Variants in CSMD3 observed in about 807,000 individuals in gnomAD.
CSMD3 encodes CUB and sushi domain-containing protein 3.
In CSMD3, 177 loss-of-function variants were observed where a neutral mutation model predicts 435.2. That is an observed-to-expected ratio of 0.41 (90% CI 0.36 to 0.46). The LOEUF is 0.46. Ranked by LOEUF, CSMD3 falls within the 20% of genes least tolerant of loss-of-function variation. The pLI is 0.34. For missense variants in CSMD3, 4,265 were observed against 4,504.6 expected, an observed-to-expected ratio of 0.95 and a Z score of 1.52; for synonymous variants, 1,656 against 1,520.5, an observed-to-expected ratio of 1.09 and a Z score of -2.07.
chr8:112,353,344 C>T (rs1030345111), intron 38 of CSMD3, among the ~76,000 whole-genome samples: 1 of 152,002 alleles, frequency 6.6e-6, no homozygotes, highest in African/African-American at 2.4e-5. Flanking sequence ...GAGCTGAGAT[C>T]TTGCCATTGC....
intron 28 of CSMD3, among the ~76,000 whole-genome samples, chr8:112,514,225 TG>T (rs1299945854): frequency 6.6e-6 from 1 of 152,142 alleles, no homozygotes; most frequent in Admixed American, 6.6e-5. Context: ...TTCAATGCTG[TG>T]GTTGATTTTG....
intron 45 of CSMD3, among the ~76,000 whole-genome samples, chr8:112,329,764 T>A: frequency 6.6e-6 from 1 of 152,164 alleles, no homozygotes; most frequent in Non-Finnish European, 1.5e-5. Context: ...CAGTGAAGTG[T>A]CAAAAGATAG....
chr8:113,379,845 G>C (rs547686960), intron 1 of CSMD3, among the ~76,000 whole-genome samples: 84 of 152,210 alleles, frequency 5.5e-4, no homozygotes, highest in Non-Finnish European at 1.1e-3. Context: ...TCATTAAATA[G>C]AAACTATACA....
At chr8:112,906,658 CT>C (rs1467322287) in intron 10 of CSMD3, among the ~76,000 whole-genome samples, 1 of 151,434 alleles carries the variant, frequency 6.6e-6, no homozygotes, top group Non-Finnish European at 1.5e-5. Context: ...TCTCATAAAT[CT>C]TTTTTTCACC....
chr8:112,786,247 C>T (rs751253316), intron 13 of CSMD3, among the ~76,000 whole-genome samples: 3 of 151,984 alleles, frequency 2.0e-5, no homozygotes, highest in Non-Finnish European at 2.9e-5. Flanking sequence ...GGAAGCTAGA[C>T]CCTTATCTCT....
rs531723351 is a variant in CSMD3, at chr8:113,059,730, G to T, written c.917+39026C>A. 2.6e-5 allele frequency among the ~76,000 whole-genome samples: 4 copies of T among 152,198 alleles called. No homozygotes were observed. The South Asian group carries it at 8.3e-4, about 32-fold the overall frequency. ...CTTTAAAGATATCAGCTATTTCTAA[G>T]AAAGTTTGATCTATTGGGAACAAAG... On this transcript the variant is annotated intron_variant, in intron 5 of 70. Transcript: ENST00000297405.
At chr8:112,552,871 C>G (rs1827810273) in intron 25 of CSMD3, 151 bp from the exon 26 acceptor site, 1 of 656,796 alleles carries the variant, frequency 1.5e-6, no homozygotes, top group Non-Finnish European at 2.5e-6. Flanking sequence ...TCAATTGAAG[C>G]AAGAATATAT....
intron 32 of CSMD3, among the ~76,000 whole-genome samples, chr8:112,437,166 T>C (rs904011368): frequency 2.0e-5 from 3 of 152,022 alleles, no homozygotes; most frequent in Non-Finnish European, 4.4e-5. Context: ...AGGAATAGCT[T>C]TTGGAGTAAA....
chr8:113,326,455 C>G (rs117176354), intron 1 of CSMD3, among the ~76,000 whole-genome samples: 1,750 of 151,302 alleles, frequency 0.012, 19 homozygotes, highest in South Asian at 0.031. Context: ...ACAAATTAAA[C>G]AACAAGAAGC....
chr8:113,308,136 C>A (rs575087639), intron 2 of CSMD3, among the ~76,000 whole-genome samples: 2 of 150,728 alleles, frequency 1.3e-5, no homozygotes, highest in South Asian at 2.1e-4. Flanking sequence ...CAAAATTTTG[C>A]TATTATTTGC....
intron 59 of CSMD3, among the ~76,000 whole-genome samples, chr8:112,276,203 A>C (rs1818024803): frequency 6.6e-6 from 1 of 152,218 alleles, no homozygotes; most frequent in African/African-American, 2.4e-5. Context: ...CTGTGACTAC[A>C]TGTCTCACAT....
intron 13 of CSMD3, among the ~76,000 whole-genome samples, chr8:112,741,044 G>A (rs1302209611): frequency 1.3e-5 from 2 of 151,906 alleles, no homozygotes; most frequent in East Asian, 3.9e-4. Flanking sequence ...CCAGCAAGAG[G>A]TCAGAGGATA....
chr8:112,263,186 C>T (rs1449931871), intron 61 of CSMD3, among the ~76,000 whole-genome samples: 2 of 149,706 alleles, frequency 1.3e-5, no homozygotes, highest in African/African-American at 2.4e-5. Context: ...ACCCTTTTAT[C>T]TCTATGCTTA....
intron 1 of CSMD3, among the ~76,000 whole-genome samples, chr8:113,406,750 A>C: frequency 6.6e-6 from 1 of 152,076 alleles, no homozygotes; most frequent in East Asian, 1.9e-4. Flanking sequence ...CAACAAATTT[A>C]TTAATTATGA....
At chr8:112,929,115 G>A (rs1048435526) in intron 9 of CSMD3, among the ~76,000 whole-genome samples, 3 of 148,468 alleles carry the variant, frequency 2.0e-5, no homozygotes, top group Admixed American at 6.8e-5. Flanking sequence ...CATGTCCTTC[G>A]CCCACTTTTT....
At chr8:112,579,380 T>C (rs1373037855) in intron 23 of CSMD3, among the ~76,000 whole-genome samples, 3 of 152,006 alleles carry the variant, frequency 2.0e-5, no homozygotes, top group Non-Finnish European at 2.9e-5. Context: ...CAAGCTATCA[T>C]TGAATGTGAA....
chr8:113,352,466 A>G (rs2094196486), intron 1 of CSMD3, among the ~76,000 whole-genome samples: 1 of 152,098 alleles, frequency 6.6e-6, no homozygotes, highest in African/African-American at 2.4e-5. Flanking sequence ...GGCCTCCAGA[A>G]CTGTGAGAAT....
intron 10 of CSMD3, among the ~76,000 whole-genome samples, chr8:112,902,051 C>A (rs1179715452): frequency 6.6e-6 from 1 of 151,258 alleles, no homozygotes; most frequent in South Asian, 2.1e-4. Context: ...GTGAGAAGAT[C>A]ATCCAGTAGA....
At chr8:112,546,957 T>TC (rs1407328526) in intron 27 of CSMD3, among the ~76,000 whole-genome samples, 1 of 152,170 alleles carries the variant, frequency 6.6e-6, no homozygotes, top group African/African-American at 2.4e-5. Flanking sequence ...GAAACACGTA[T>TC]CACCTGTTAC....
Sources: allele counts gnomAD v4.1 joint callset (sites outside exome capture counted in the v4.1 genomes callset), GRCh38; gene constraint gnomAD v4.1.1; transcripts MANE v1.5; gene names NCBI Gene and HGNC (gene_info 2026-07-23, HGNC 2026-07-21).